Variants in SRPK2 observed in about 807,000 individuals in gnomAD.
SRPK2 encodes the protein SRSF protein kinase 2.
In SRPK2, 21 loss-of-function variants were observed where a neutral mutation model predicts 90.8. The ratio of observed to expected loss-of-function variants is 0.23; its 90% CI spans 0.16 to 0.33. The LOEUF is 0.33. Among genes scored for constraint, SRPK2 ranks in the 10% least tolerant of loss-of-function variants. SRPK2 has a pLI of 1.00. For synonymous variants in SRPK2, 288 were observed against 311.1 expected (o/e 0.93, Z 0.78); for missense variants, 620 against 869.0 (o/e 0.71, Z 3.60).
rs561123151 is a variant in SRPK2 at position 105,184,142 on chromosome 7, A to AT, written c.230-14878dup. The stretch of plus-strand genomic sequence containing the variant: ...AGGAATGTGCCACCACACCTGGCTA[A>AT]TTTTTTTTGTATTTTTAGTAGAGAC... On this transcript the variant is annotated intron_variant, in intron 3 of 15. Coordinates refer to ENST00000393651, the MANE Select transcript of SRPK2 (RefSeq NM_182692.3). Among the ~76,000 whole-genome samples the AT allele has an allele frequency of 2.1e-4, 31 of 150,978 alleles. No individual in the cohort carries two copies. The South Asian group carries it at 5.1e-3, about 25-fold the overall frequency.
chr7:105,327,777 C>G (rs1236795553), intron 2 of SRPK2, among the ~76,000 whole-genome samples: 1 of 152,206 alleles, frequency 6.6e-6, no homozygotes, highest in African/African-American at 2.4e-5. Flanking sequence ...CTAAACAACT[C>G]TAAAATTTAT....
intron 3 of SRPK2, among the ~76,000 whole-genome samples, chr7:105,192,168 T>C (rs1384030535): frequency 6.6e-6 from 1 of 152,058 alleles, no homozygotes; most frequent in Non-Finnish European, 1.5e-5. Flanking sequence ...CGATAGAGTA[T>C]ACACTGAACC....
At chr7:105,276,231 C>T (rs1806473853) in intron 2 of SRPK2, among the ~76,000 whole-genome samples, 1 of 151,646 alleles carries the variant, frequency 6.6e-6, no homozygotes, top group Non-Finnish European at 1.5e-5. Context: ...CAGATGCACA[C>T]CACTATGCTT....
At chr7:105,314,811 T>C (rs1454904223) in intron 2 of SRPK2, among the ~76,000 whole-genome samples, 1 of 152,212 alleles carries the variant, frequency 6.6e-6, no homozygotes, top group Non-Finnish European at 1.5e-5. Context: ...TAAACATAAA[T>C]GTCGAATAAT....
chr7:105,238,017 T>C (rs983422086), intron 2 of SRPK2, among the ~76,000 whole-genome samples: 1 of 152,122 alleles, frequency 6.6e-6, no homozygotes, highest in Non-Finnish European at 1.5e-5. Context: ...AAGGCATATA[T>C]CTAAATCAGC....
At chr7:105,318,015 A>G (rs922425768) in intron 2 of SRPK2, among the ~76,000 whole-genome samples, 5 of 152,096 alleles carry the variant, frequency 3.3e-5, no homozygotes, top group African/African-American at 1.2e-4. Context: ...CCTCAGCCTC[A>G]TAAAGTGCTG....
At chr7:105,375,142 T>C (rs1170573318) in intron 2 of SRPK2, among the ~76,000 whole-genome samples, 1 of 152,192 alleles carries the variant, frequency 6.6e-6, no homozygotes, top group Non-Finnish European at 1.5e-5. Flanking sequence ...TGGCATATAA[T>C]ATTTTTAAAA....
chr7:105,221,029 A>C (rs900728601), intron 2 of SRPK2, among the ~76,000 whole-genome samples: 6 of 152,208 alleles, frequency 3.9e-5, no homozygotes, highest in Non-Finnish European at 7.3e-5. Flanking sequence ...AGAATCAGAA[A>C]ATAAAGTTCA....
chr7:105,174,080 A>T (rs960840353), intron 3 of SRPK2, among the ~76,000 whole-genome samples: 10 of 120,084 alleles, frequency 8.3e-5, no homozygotes, highest in South Asian at 3.1e-4. Flanking sequence ...CCCTGTCTCT[A>T]ATAAAAAAAA....
chr7:105,291,344 T>A (rs897245988), intron 2 of SRPK2, among the ~76,000 whole-genome samples: 1 of 152,216 alleles, frequency 6.6e-6, no homozygotes, highest in Non-Finnish European at 1.5e-5. Context: ...TTCCTTATTC[T>A]AAAGCCTAAC....
chr7:105,159,138 T>C (rs1807028392), intron 7 of SRPK2, among the ~76,000 whole-genome samples: 2 of 152,044 alleles, frequency 1.3e-5, no homozygotes, highest in Admixed American at 6.6e-5. Flanking sequence ...AACTTTTCCC[T>C]CTCCAGCCCC....
intron 2 of SRPK2, among the ~76,000 whole-genome samples, chr7:105,223,791 T>A (rs115002963): frequency 0.014 from 2,126 of 152,314 alleles, 56 homozygotes; most frequent in African/African-American, 0.048. Context: ...ACAGCTTTTT[T>A]AAAAAATGAA....
At chr7:105,148,692 C>T (rs1805032668) in intron 7 of SRPK2, among the ~76,000 whole-genome samples, 1 of 152,150 alleles carries the variant, frequency 6.6e-6, no homozygotes, top group South Asian at 2.1e-4. Flanking sequence ...AAAGGAAAGA[C>T]ATAAGAGACT....
chr7:105,226,180 T>C (rs1444893437), intron 2 of SRPK2, among the ~76,000 whole-genome samples: 1 of 152,120 alleles, frequency 6.6e-6, no homozygotes, highest in Non-Finnish European at 1.5e-5. Flanking sequence ...TAAAATAATA[T>C]TTGTCTATGA....
At chr7:105,241,062 A>AAAAT (rs1382841812) in intron 2 of SRPK2, among the ~76,000 whole-genome samples, 1 of 152,198 alleles carries the variant, frequency 6.6e-6, no homozygotes, top group Non-Finnish European at 1.5e-5. Context: ...GTCAGAAAAT[A>AAAAT]AAATAAATTA....
intron 2 of SRPK2, among the ~76,000 whole-genome samples, chr7:105,210,533 A>G (rs1476318292): frequency 6.6e-6 from 1 of 152,192 alleles, no homozygotes; most frequent in East Asian, 1.9e-4. Flanking sequence ...AATTTCATGT[A>G]TTCCTCTTTA....
At chr7:105,295,192 C>T (rs1585584913) in intron 2 of SRPK2, among the ~76,000 whole-genome samples, 1 of 138,076 alleles carries the variant, frequency 7.2e-6, no homozygotes, top group African/African-American at 2.6e-5. Flanking sequence ...GCCTGGGTGA[C>T]AGAGCGAGAA....
chr7:105,369,259 G>GA (rs1819442096), intron 2 of SRPK2, among the ~76,000 whole-genome samples: 1 of 151,802 alleles, frequency 6.6e-6, no homozygotes, highest in Non-Finnish European at 1.5e-5. Context: ...CAATTCTCCT[G>GA]CCTCAGCCTC....
At chr7:105,206,998 G>A (rs1487202957) in intron 2 of SRPK2, among the ~76,000 whole-genome samples, 1 of 152,150 alleles carries the variant, frequency 6.6e-6, no homozygotes, top group African/African-American at 2.4e-5. Flanking sequence ...ATCACAGAAA[G>A]TCTCAGTTCA....
Sources: gnomAD v4.1 joint callset for allele counts (sites outside exome capture counted in the v4.1 genomes callset) on GRCh38, gnomAD v4.1.1 for gene constraint, MANE v1.5 for transcripts, NCBI Gene and HGNC (gene_info 2026-07-23, HGNC 2026-07-21) for gene names.